GABBR2: variants seen among roughly 807,000 people sequenced by gnomAD.
GABBR2 encodes gamma-aminobutyric acid type B receptor subunit 2.
GABBR2 carries 23 observed loss-of-function variants against 105.6 expected under a neutral mutation model. The observed-to-expected ratio is 0.22, with a 90% CI of 0.16 to 0.31. The LOEUF is 0.31. GABBR2 is among the 10% of genes least tolerant of loss of function. GABBR2 has a pLI of 1.00. For missense variants in GABBR2, 734 were observed against 1,245.5 expected (o/e 0.59, Z 6.18); for synonymous variants, 478 against 499.7 (o/e 0.96, Z 0.58).
chr9:98,313,389 A>G (rs1830664652), intron 13 of GABBR2, among the ~76,000 whole-genome samples: 1 of 152,134 alleles, frequency 6.6e-6, no homozygotes, highest in Non-Finnish European at 1.5e-5. Flanking sequence ...TTAAAAATAA[A>G]TCTGTCTGTC....
chr9:98,367,465 G>A (rs769549332), intron 12 of GABBR2, among the ~76,000 whole-genome samples: 30 of 152,094 alleles, frequency 2.0e-4, no homozygotes, highest in Non-Finnish European at 3.8e-4. Context: ...CATGGCTGTG[G>A]GGAGAGGAAG....
intron 7 of GABBR2, among the ~76,000 whole-genome samples, chr9:98,420,302 C>T (rs1832759711): frequency 6.6e-6 from 1 of 152,170 alleles, no homozygotes; most frequent in South Asian, 2.1e-4. Flanking sequence ...CCCAGCCCAC[C>T]TGGAGCCTCG....
chr9:98,427,242 A>G (rs1825710329), intron 7 of GABBR2, among the ~76,000 whole-genome samples: 2 of 152,172 alleles, frequency 1.3e-5, no homozygotes, highest in Admixed American at 6.5e-5. Context: ...AGATGAATCA[A>G]TGAACCACTT....
intron 1 of GABBR2, among the ~76,000 whole-genome samples, chr9:98,705,099 G>T (rs73655498): frequency 0.038 from 5,820 of 152,252 alleles, 262 homozygotes; most frequent in African/African-American, 0.11. Flanking sequence ...CAGGTTCTTG[G>T]TATAGTAACT....
intron 12 of GABBR2, among the ~76,000 whole-genome samples, chr9:98,363,737 A>G (rs1403996525): frequency 6.6e-6 from 1 of 152,152 alleles, no homozygotes; most frequent in African/African-American, 2.4e-5. Flanking sequence ...AAAAAGAAGA[A>G]ATATAACTCC....
chr9:98,397,642 C>T (rs1384317359), intron 8 of GABBR2, among the ~76,000 whole-genome samples: 2 of 152,188 alleles, frequency 1.3e-5, no homozygotes, highest in Non-Finnish European at 2.9e-5. Flanking sequence ...GCCATCTGTT[C>T]CTCACCATGG....
At chr9:98,522,646 G>A (rs1827890093) in intron 3 of GABBR2, among the ~76,000 whole-genome samples, 2 of 151,942 alleles carry the variant, frequency 1.3e-5, no homozygotes, top group African/African-American at 4.8e-5. Context: ...TTTATGCAAG[G>A]GCATAGATAT....
In GABBR2 at chr9:98,582,592, G is replaced by C. The variant is rs556743281; in HGVS notation, c.322-4520C>G. 2.0e-5 allele frequency among the ~76,000 whole-genome samples: 3 copies of C among 152,304 alleles called. No individual in the cohort carries two copies. In the South Asian group the frequency reaches 6.2e-4, roughly 32 times the overall value. ...GTGATCAGTTACAGCAGCATAGAAA[G>C]CAAATACACTCAGGTAAAATGTGAA... On this transcript the variant is annotated intron_variant, in intron 1 of 18. Transcript: ENST00000259455.
chr9:98,358,873 T>C (rs1043014956), intron 13 of GABBR2, among the ~76,000 whole-genome samples: 11 of 152,098 alleles, frequency 7.2e-5, no homozygotes, highest in Admixed American at 2.0e-4. Context: ...TCAGGGACCC[T>C]TTCCACCCGT....
At chr9:98,551,169 G>A (rs181382925) in intron 2 of GABBR2, among the ~76,000 whole-genome samples, 11 of 152,250 alleles carry the variant, frequency 7.2e-5, no homozygotes, top group Admixed American at 3.9e-4. Context: ...TTGGGAGGCC[G>A]AGGTGCGTAG....
chr9:98,620,155 AT>A (rs1829648344), intron 1 of GABBR2, among the ~76,000 whole-genome samples: 1 of 151,774 alleles, frequency 6.6e-6, no homozygotes, highest in African/African-American at 2.4e-5. Context: ...GCTACATTTT[AT>A]TTTTTCAAAT....
At chr9:98,706,877 C>G (rs1034499668) in intron 1 of GABBR2, among the ~76,000 whole-genome samples, 3 of 152,212 alleles carry the variant, frequency 2.0e-5, no homozygotes, top group African/African-American at 7.2e-5. Context: ...GTGTGCCAGA[C>G]AAGTACCCCC....
chr9:98,660,873 T>C (rs1299178120), intron 1 of GABBR2, among the ~76,000 whole-genome samples: 5 of 152,228 alleles, frequency 3.3e-5, no homozygotes, highest in African/African-American at 1.2e-4. Flanking sequence ...ACCTGGGGCC[T>C]ACCTGGATGA....
chr9:98,522,173 C>G (rs1588210504), intron 3 of GABBR2, among the ~76,000 whole-genome samples: 1 of 152,050 alleles, frequency 6.6e-6, no homozygotes, highest in East Asian at 1.9e-4. Context: ...TTGTGGAGGA[C>G]AGTCTTGAGA....
intron 13 of GABBR2, among the ~76,000 whole-genome samples, chr9:98,329,303 G>A (rs1406729936): frequency 6.6e-6 from 1 of 152,200 alleles, no homozygotes. Flanking sequence ...TCTATGCCTT[G>A]GTTTCCCCAT....
chr9:98,490,783 C>T (rs1450270071), intron 4 of GABBR2, among the ~76,000 whole-genome samples: 3 of 152,168 alleles, frequency 2.0e-5, no homozygotes, highest in Admixed American at 1.3e-4. Context: ...GTGCCCAGGA[C>T]GTGGTCTCTG....
chr9:98,585,625 AAAACTT>A (rs199749139), intron 1 of GABBR2, among the ~76,000 whole-genome samples: 12,811 of 151,578 alleles, frequency 0.085, 815 homozygotes, highest in South Asian at 0.19. Context: ...CATGTACCCT[AAAACTT>A]AAAGTATAAT....
At chr9:98,392,724 G>A (rs941363400) in intron 9 of GABBR2, among the ~76,000 whole-genome samples, 1 of 152,156 alleles carries the variant, frequency 6.6e-6, no homozygotes, top group East Asian at 1.9e-4. Flanking sequence ...CTGACCCACT[G>A]GAATCAAAGT....
At chr9:98,662,932 G>C (rs775896543) in intron 1 of GABBR2, among the ~76,000 whole-genome samples, 10 of 152,164 alleles carry the variant, frequency 6.6e-5, no homozygotes, top group Admixed American at 1.3e-4. Flanking sequence ...CAGACAGCAT[G>C]TCCCACAGGA....
Sources: allele counts gnomAD v4.1 joint callset (sites outside exome capture counted in the v4.1 genomes callset), GRCh38; gene constraint gnomAD v4.1.1; transcripts MANE v1.5; gene names NCBI Gene and HGNC (gene_info 2026-07-23, HGNC 2026-07-21).